Variants in TOP2B observed in about 807,000 individuals in gnomAD.
TOP2B encodes the protein DNA topoisomerase 2-beta.
In TOP2B, 51 loss-of-function variants were observed where a neutral mutation model predicts 193.5. That is an observed-to-expected ratio of 0.26 (90% confidence interval 0.21 to 0.33). The LOEUF (loss-of-function observed/expected upper bound fraction) is 0.33. Ranked by LOEUF, TOP2B falls within the 10% of genes least tolerant of loss-of-function variation. TOP2B has a pLI of 1.00. For synonymous variants in TOP2B, 634 were observed against 635.7 expected (o/e 1.00, Z 0.04); for missense variants, 1,378 against 1,909.3 (o/e 0.72, Z 5.19).
chr3:25,627,142 T>A (rs757866727), intron 16 of TOP2B, 45 bp downstream of exon 16: 1 of 1,338,044 alleles, frequency 7.5e-7, no homozygotes, highest in Non-Finnish European at 1.1e-6. Context: ...GAATAGAAGG[T>A]AGGGGGATGG....
At chr3:25,643,250 C>T (rs1703314452) in intron 3 of TOP2B, among the ~76,000 whole-genome samples, 1 of 152,146 alleles carries the variant, frequency 6.6e-6, no homozygotes, top group African/African-American at 2.4e-5. Flanking sequence ...TTGGAGAGGA[C>T]AGAGATCATT....
chr3:25,626,404 G>C (rs1176959685), intron 18 of TOP2B, among the ~76,000 whole-genome samples, 156 bp downstream of exon 18: 2 of 151,732 alleles, frequency 1.3e-5, no homozygotes, highest in Non-Finnish European at 2.9e-5. Flanking sequence ...TAAAACAAAA[G>C]CAAAATCAAA....
chr3:25,602,410 G>GAA (rs1702121540), intron 33 of TOP2B, among the ~76,000 whole-genome samples: 1 of 89,568 alleles, frequency 1.1e-5, no homozygotes, highest in Non-Finnish European at 2.2e-5. Context: ...AAAAAAAAAA[G>GAA]AAAAAGAAAA....
chr3:25,637,064 C>T (rs1703124779), intron 6 of TOP2B, 151 bp downstream of exon 6: 2 of 634,178 alleles, frequency 3.2e-6, no homozygotes, highest in Admixed American at 2.9e-5. Context: ...ATTCTGATGT[C>T]TCTTTACTCT....
chr3:25,642,890 T>C (rs963126803), intron 3 of TOP2B, among the ~76,000 whole-genome samples: 13 of 152,158 alleles, frequency 8.5e-5, no homozygotes, highest in African/African-American at 2.9e-4. Context: ...TAGCTGACAA[T>C]ATAAATATTT....
At chr3:25,617,962 T>C (rs1702549441) in intron 25 of TOP2B, among the ~76,000 whole-genome samples, 1 of 152,224 alleles carries the variant, frequency 6.6e-6, no homozygotes, top group African/African-American at 2.4e-5. Flanking sequence ...ATACTGTCTA[T>C]AATAATTAAC....
At chr3:25,657,272 A>C (rs921781789) in intron 1 of TOP2B, among the ~76,000 whole-genome samples, 29 of 152,206 alleles carry the variant, frequency 1.9e-4, no homozygotes, top group African/African-American at 6.8e-4. Context: ...AATCTGGGGT[A>C]AGGGGAGAGA....
At chr3:25,620,344 C>T (rs976277293) in intron 22 of TOP2B, among the ~76,000 whole-genome samples, 2 of 151,908 alleles carry the variant, frequency 1.3e-5, no homozygotes, top group Non-Finnish European at 2.9e-5. Context: ...CAAGAGGTGA[C>T]ATGCATACTT....
At chr3:25,615,865 C>A (rs559522852) in intron 25 of TOP2B, 35 of 232,784 alleles carry the variant, frequency 1.5e-4, no homozygotes, top group African/African-American at 7.2e-4. Context: ...CTCAGGTACT[C>A]AGTAACAAAA....
rs773375875 is a variant in TOP2B, at chr3:25,643,684, A to G, written c.331+10T>C. ...TAGAAACATGCATTAAATCCTAAGC[A>G]AGTACTCACCCAAAATTTCATCAAA... On this transcript the variant is annotated intron_variant, in intron 3 of 35. Transcript: ENST00000264331. 1.1e-5 allele frequency: 18 copies of G among 1,604,200 alleles called. No homozygotes were observed. The highest frequency in any genetic ancestry group is 1.5e-5 in the Non-Finnish European group (17 of 1,171,518).
chr3:25,634,795 AAAC>A (rs1559502605), intron 7 of TOP2B, among the ~76,000 whole-genome samples: 2 of 146,652 alleles, frequency 1.4e-5, no homozygotes, highest in South Asian at 2.1e-4. Flanking sequence ...AAAAAAAAAA[AAAC>A]CAAAAAAAGG....
chr3:25,614,850 T>C (rs1315386167), intron 27 of TOP2B, among the ~76,000 whole-genome samples: 1 of 152,038 alleles, frequency 6.6e-6, no homozygotes, highest in Non-Finnish European at 1.5e-5. Context: ...GTAGAGACTA[T>C]CATTCTACTC....
intron 1 of TOP2B, among the ~76,000 whole-genome samples, chr3:25,646,769 T>C (rs2125398748): frequency 6.6e-6 from 1 of 152,316 alleles, no homozygotes; most frequent in South Asian, 2.1e-4. Flanking sequence ...AAAAACTGTA[T>C]CATTAAGTAT....
intron 5 of TOP2B, among the ~76,000 whole-genome samples, 189 bp downstream of exon 5, chr3:25,637,976 C>G (rs923610327): frequency 6.6e-6 from 1 of 151,882 alleles, no homozygotes; most frequent in Non-Finnish European, 1.5e-5. Context: ...AGTCAATGTA[C>G]TATCAGTCTT....
Position 25,642,240 on chromosome 3 carries a change from T to C in TOP2B, c.395+82A>G, listed in dbSNP as rs1703285113. The stretch of plus-strand genomic sequence containing the variant: ...AAACTTTAAAAGAGTACTACCCATA[T>C]ACATTATTTGAGGAGTACTCATAAA... On this transcript the variant is annotated intron_variant, in intron 4 of 35. Coordinates refer to ENST00000264331, the MANE Select transcript of TOP2B (RefSeq NM_001330700.2). 5.1e-6 allele frequency: 4 copies of C among 776,852 alleles called. No individual in the cohort carries two copies. The South Asian group carries it at 7.3e-5, about 14-fold the overall frequency. The allele number at this position is 776,852 out of a possible 1,614,324, so 48.1% of individuals were successfully genotyped here. A position where few individuals can be genotyped will look rare whatever the true frequency, so the allele number is the denominator to read the frequency against.
In TOP2B at chr3:25,619,848, A is replaced by C; in HGVS notation, c.3063+14T>G. ...GCAAGAAAGATTAAATTAACAGTAA[A>C]TCTAATAAATTACCATGGAATTACA... On this transcript the variant is annotated intron_variant, in intron 23 of 35. Coordinates refer to ENST00000264331, the MANE Select transcript of TOP2B (RefSeq NM_001330700.2). 1.3e-6 allele frequency: 2 copies of C among 1,551,836 alleles called. No homozygotes were observed. Among genetic ancestry groups the C allele is most frequent in the Non-Finnish European group, 1.8e-6 (2 of 1,124,728 alleles).
At chr3:25,661,158 C>G (rs1373407611) in intron 1 of TOP2B, among the ~76,000 whole-genome samples, 1 of 151,950 alleles carries the variant, frequency 6.6e-6, no homozygotes, top group Non-Finnish European at 1.5e-5. Flanking sequence ...GCGCCACCAC[C>G]CCAGCTAATT....
intron 32 of TOP2B, among the ~76,000 whole-genome samples, chr3:25,605,386 T>G (rs1381016691): frequency 6.6e-6 from 1 of 152,088 alleles, no homozygotes; most frequent in Non-Finnish European, 1.5e-5. Flanking sequence ...CGTTCTTCCC[T>G]AACACCATAG....
At chr3:25,604,111 ATGT>A (rs1454172266) in intron 33 of TOP2B, among the ~76,000 whole-genome samples, 3 of 152,158 alleles carry the variant, frequency 2.0e-5, no homozygotes, top group Non-Finnish European at 4.4e-5. Context: ...GTCTGTAATG[ATGT>A]TGTCTGTTGT....
Sources: gnomAD v4.1 joint callset for allele counts (sites outside exome capture counted in the v4.1 genomes callset) on GRCh38, gnomAD v4.1.1 for gene constraint, MANE v1.5 for transcripts, NCBI Gene and HGNC (gene_info 2026-07-23, HGNC 2026-07-21) for gene names.